The following PRTG variants were observed in gnomAD, a reference collection of about 807,000 sequenced individuals.
PRTG encodes the protein immunoglobulin superfamily, DCC subclass, member 5.
Under a neutral mutation model 122.5 loss-of-function variants are expected in PRTG, and 67 were observed. The observed-to-expected ratio is 0.55, with a 90% CI of 0.45 to 0.67. PRTG has a LOEUF of 0.67. Among genes scored for constraint, PRTG ranks in the 30% least tolerant of loss-of-function variants. The pLI, the probability that PRTG is intolerant of heterozygous loss-of-function variation, is 0.00. For missense variants in PRTG, 1,435 were observed against 1,415.4 expected (o/e 1.01, Z -0.22); for synonymous variants, 554 against 501.1 (o/e 1.11, Z -1.41).
Position 55,612,737 on chromosome 15 carries a change from T to TATATATATAC in PRTG, c.*7274_*7275insGTATATATAT, listed in dbSNP as rs2059126324. ...ATATATATATATATATATATATATA[T>TATATATATAC]ATATATATATATGACTTAAATTGGA... is the stretch of plus-strand genomic sequence containing the variant. On this transcript the variant is annotated 3_prime_UTR_variant, in exon 20 of 20. Transcript: ENST00000389286. 7.4e-5 allele frequency: 4 copies of TATATATATAC among 54,312 alleles called. No homozygotes were observed. The highest frequency in any genetic ancestry group is 1.8e-4 in the African/African-American group (4 of 21,650). The allele number at this position is 54,312 out of a possible 1,614,324, so 3.4% of individuals were successfully genotyped here.
chr15:55,711,456 C>T (rs1444369578), intron 2 of PRTG, among the ~76,000 whole-genome samples: 3 of 152,136 alleles, frequency 2.0e-5, no homozygotes, highest in Non-Finnish European at 4.4e-5. Flanking sequence ...GGAATCTGGG[C>T]AGACCTTGAC....
At chr15:55,702,924 T>C in intron 2 of PRTG, 2 of 985,416 alleles carry the variant, frequency 2.0e-6, no homozygotes, top group Non-Finnish European at 2.4e-6. Context: ...CAGCATATCC[T>C]GCAGACACAT....
At chr15:55,671,970 G>C (rs146193332) in intron 11 of PRTG, among the ~76,000 whole-genome samples, 5 of 152,140 alleles carry the variant, frequency 3.3e-5, no homozygotes, top group Non-Finnish European at 7.3e-5. Context: ...CTGGGTTAGA[G>C]CTACATAAAT....
chr15:55,633,813 C>T (rs1199978153), intron 15 of PRTG, among the ~76,000 whole-genome samples: 1 of 152,034 alleles, frequency 6.6e-6, no homozygotes, highest in Non-Finnish European at 1.5e-5. Flanking sequence ...GCCTTAGCTA[C>T]GAAAAAAGTT....
chr15:55,721,707 G>C (rs1477703801), intron 2 of PRTG, among the ~76,000 whole-genome samples: 6 of 152,268 alleles, frequency 3.9e-5, no homozygotes, highest in African/African-American at 9.6e-5. Flanking sequence ...AGGTTGAATT[G>C]AATCACAGTT....
At chr15:55,711,081 ATTTT>A (rs1168529643) in intron 2 of PRTG, among the ~76,000 whole-genome samples, 1 of 115,448 alleles carries the variant, frequency 8.7e-6, no homozygotes. Flanking sequence ...TAATTTTTGT[ATTTT>A]TTTTTTTTTT....
intron 11 of PRTG, among the ~76,000 whole-genome samples, chr15:55,644,895 A>G (rs999234816): frequency 1.3e-5 from 2 of 152,198 alleles, no homozygotes; most frequent in Non-Finnish European, 2.9e-5. Context: ...ATTTTTCATA[A>G]GTGAACTACT....
chr15:55,683,844 G>C lies in PRTG; in HGVS notation c.485C>G (p.Pro162Arg). ...GAACTCCCATGTTATGACTGCAGGAGGGTGGGATGAAATCTTGCATGCAAA... is the reference window on the plus strand; with the variant it reads ...GAACTCCCATGTTATGACTGCAGGACGGTGGGATGAAATCTTGCATGCAAA... Reference protein sequence around the residue: ...ARFACKISSHPPAVITWEFNR... With the variant: ...ARFACKISSHRPAVITWEFNR... The change falls in exon 3 of 20, where the codon CCT (proline) becomes CGT (arginine). Residue 162 changes from proline to arginine, a missense_variant. Transcript: ENST00000389286. 1 of 1,613,916 alleles carries C rather than the reference G, an allele frequency of 6.2e-7. No individual in the cohort carries two copies. Among genetic ancestry groups the C allele is most frequent in the Non-Finnish European group, 8.5e-7 (1 of 1,179,836 alleles).
intron 5 of PRTG, 139 bp from the exon 6 acceptor site, chr15:55,680,351 C>T: frequency 8.8e-7 from 1 of 1,133,074 alleles, no homozygotes; most frequent in South Asian, 1.9e-5. Context: ...CTTTTCTCTA[C>T]TCACTGAAAT....
intron 2 of PRTG, among the ~76,000 whole-genome samples, chr15:55,727,576 G>A (rs1251413032): frequency 6.6e-6 from 1 of 152,114 alleles, no homozygotes; most frequent in Admixed American, 6.5e-5. Flanking sequence ...TGGGAGGACT[G>A]CCTGAGGTGA....
intron 2 of PRTG, among the ~76,000 whole-genome samples, chr15:55,719,003 C>T (rs1219156861): frequency 6.6e-6 from 1 of 152,114 alleles, no homozygotes; most frequent in Non-Finnish European, 1.5e-5. Context: ...CCTCAGCCTC[C>T]CAAAGTGTTA....
At chr15:55,727,839 G>A (rs930113510) in intron 2 of PRTG, among the ~76,000 whole-genome samples, 2 of 152,172 alleles carry the variant, frequency 1.3e-5, no homozygotes, top group African/African-American at 2.4e-5. Flanking sequence ...TCCAGAACCA[G>A]GTGACTTCAC....
At chr15:55,687,894 A>G (rs2059579118) in intron 2 of PRTG, among the ~76,000 whole-genome samples, 1 of 152,188 alleles carries the variant, frequency 6.6e-6, no homozygotes. Context: ...ATGAATCAAC[A>G]ATGAAAGTAA....
chr15:55,685,599 A>C (rs138411083), intron 2 of PRTG, among the ~76,000 whole-genome samples: 21 of 152,262 alleles, frequency 1.4e-4, no homozygotes, highest in African/African-American at 5.1e-4. Flanking sequence ...AACTAAAGAG[A>C]TATGCACAAA....
chr15:55,660,346 C>G (rs1478620191), intron 11 of PRTG, among the ~76,000 whole-genome samples: 1 of 152,050 alleles, frequency 6.6e-6, no homozygotes, highest in Admixed American at 6.5e-5. Flanking sequence ...CTTTCATGTG[C>G]TAATGGGTTT....
rs1374374397 is a variant in PRTG at position 55,617,168 on chromosome 15, T to C, written c.*2844A>G. On this transcript the variant is annotated 3_prime_UTR_variant, in exon 20 of 20. Coordinates refer to ENST00000389286, the MANE Select transcript of PRTG (RefSeq NM_173814.6). ...CTTGATTTGGTCAAGTAAAAAGAAGTCTTTGCTGTATTACTAAATATCTTA... is the reference window on the plus strand; with the variant it reads ...CTTGATTTGGTCAAGTAAAAAGAAGCCTTTGCTGTATTACTAAATATCTTA... The C allele has an allele frequency of 1.3e-5, 2 of 152,014 alleles. No individual in the cohort carries two copies. Among genetic ancestry groups the C allele is most frequent in the Non-Finnish European group, 2.9e-5 (2 of 67,936 alleles). The allele number at this position is 152,014 out of a possible 1,614,324, so 9.4% of individuals were successfully genotyped here. A position where few individuals can be genotyped will look rare whatever the true frequency, so the allele number is the denominator to read the frequency against.
chr15:55,646,343 G>A (rs1363815660), intron 11 of PRTG, among the ~76,000 whole-genome samples: 1 of 147,842 alleles, frequency 6.8e-6, no homozygotes. Flanking sequence ...TTTTTTTTAG[G>A]ACGGAGTCTT....
Position 55,613,094 on chromosome 15 carries a change from C to T in PRTG, c.*6918G>A, listed in dbSNP as rs1453217543. On this transcript the variant is annotated 3_prime_UTR_variant, in exon 20 of 20. Coordinates refer to ENST00000389286, the MANE Select transcript of PRTG (RefSeq NM_173814.6). ...GTTTCATTTTGCACAAAAAAATTAT[C>T]CTCATTTCATGGATGGAGAAGGCAC... is the stretch of plus-strand genomic sequence containing the variant. 1.3e-5 allele frequency: 2 copies of T among 151,922 alleles called. No homozygotes were observed. The highest frequency in any genetic ancestry group is 2.9e-5 in the Non-Finnish European group (2 of 67,922). The allele number at this position is 151,922 out of a possible 1,614,324, so 9.4% of individuals were successfully genotyped here. A position where few individuals can be genotyped will look rare whatever the true frequency, so the allele number is the denominator to read the frequency against.
At chr15:55,640,368 C>G (rs1336281018) in intron 12 of PRTG, among the ~76,000 whole-genome samples, 2 of 152,140 alleles carry the variant, frequency 1.3e-5, no homozygotes, top group Non-Finnish European at 2.9e-5. Flanking sequence ...GGACCACTGT[C>G]ACATATGTGG....
Sources: allele counts gnomAD v4.1 joint callset (sites outside exome capture counted in the v4.1 genomes callset), GRCh38; gene constraint gnomAD v4.1.1; transcripts MANE v1.5; gene names NCBI Gene and HGNC (gene_info 2026-07-23, HGNC 2026-07-21).